The following ETV6 variants were observed in gnomAD, a reference collection of about 807,000 sequenced individuals.
The protein encoded by ETV6 is transcription factor ETV6.
A neutral mutation model predicts 51.1 loss-of-function variants in ETV6; 16 were observed. That is an observed-to-expected ratio of 0.31 (90% CI 0.21 to 0.48). The LOEUF (loss-of-function observed/expected upper bound fraction) is 0.48. Among genes scored for constraint, ETV6 ranks in the 20% least tolerant of loss-of-function variants. ETV6 has a pLI of 0.99. For synonymous variants in ETV6, 240 were observed against 224.1 expected, an observed-to-expected ratio of 1.07 and a Z score of -0.64; for missense variants, 458 against 594.8, an observed-to-expected ratio of 0.77 and a Z score of 2.39.
In ETV6 at chr12:11,752,456, C is replaced by A. The variant is rs1475305922; in HGVS notation, c.40C>A (p.Arg14=). 2 of 1,610,468 alleles carry A rather than the reference C, an allele frequency of 1.2e-6. No homozygotes were observed. Among genetic ancestry groups the A allele is most frequent in the East Asian group, 4.5e-5 (2 of 44,740 alleles). The part of the protein sequence containing the change: ...TPAQCSIKQE[R]ISYTPPESPV... Reference sequence around the variant, plus strand: ...CTGCCCTTATTTTTAACAGCAGGAACGAATTTCATATACACCTCCAGAGAG... The same window carrying A: ...CTGCCCTTATTTTTAACAGCAGGAAAGAATTTCATATACACCTCCAGAGAG... Residue 14 remains arginine, a synonymous_variant, in exon 2 of 8, where the codon CGA becomes AGA. Transcript: ENST00000396373.
chr12:11,663,366 A>G (rs1164760678), intron 1 of ETV6, among the ~76,000 whole-genome samples: 7 of 152,200 alleles, frequency 4.6e-5, no homozygotes, highest in African/African-American at 1.2e-4. Flanking sequence ...AGTCAGGCCT[A>G]TCTGGAGTGG....
At chr12:11,686,836 C>T (rs758233882) in intron 1 of ETV6, among the ~76,000 whole-genome samples, 1 of 152,094 alleles carries the variant, frequency 6.6e-6, no homozygotes, top group Non-Finnish European at 1.5e-5. Flanking sequence ...ACTTTCAATG[C>T]TCTGTTGTAG....
chr12:11,728,008 C>T (rs956848742), intron 1 of ETV6, among the ~76,000 whole-genome samples: 1 of 151,982 alleles, frequency 6.6e-6, no homozygotes, highest in African/African-American at 2.4e-5. Flanking sequence ...TTAGTAGAGA[C>T]GGGGTTTCAC....
intron 2 of ETV6, among the ~76,000 whole-genome samples, chr12:11,783,672 A>C (rs1345036010): frequency 6.6e-6 from 1 of 152,242 alleles, no homozygotes; most frequent in East Asian, 1.9e-4. Flanking sequence ...AGAAAAAATA[A>C]GAGGCAAAGT....
At chr12:11,660,375 C>T (rs181092200) in intron 1 of ETV6, among the ~76,000 whole-genome samples, 404 of 151,814 alleles carry the variant, frequency 2.7e-3, no homozygotes, top group African/African-American at 9.0e-3. Flanking sequence ...GAGGCCGAGG[C>T]GGGTGAATCA....
At chr12:11,694,029 C>A (rs1864824566) in intron 1 of ETV6, among the ~76,000 whole-genome samples, 1 of 152,126 alleles carries the variant, frequency 6.6e-6, no homozygotes. Context: ...TGGAGTTGTA[C>A]CAAATAAAAA....
At position 11,888,600 on chromosome 12, in the gene ETV6, G is replaced by A. The variant is rs147483068; in HGVS notation, c.1254-2341G>A. 2.1e-3 allele frequency among the ~76,000 whole-genome samples: 321 copies of A among 152,122 alleles called. 3 individuals are homozygous for A. Among genetic ancestry groups the A allele is most frequent in the African/African-American group, 7.2e-3 (298 of 41,492 alleles). Reference sequence around the variant, plus strand: ...GTATTTTTAGTGGAGACAGGGTTTCGCCATGTTGGCCACTCTTGTCTCAAA... The same window carrying A: ...GTATTTTTAGTGGAGACAGGGTTTCACCATGTTGGCCACTCTTGTCTCAAA... On this transcript the variant is annotated intron_variant, in intron 7 of 7. Coordinates refer to ENST00000396373, the MANE Select transcript of ETV6 (RefSeq NM_001987.5).
intron 2 of ETV6, among the ~76,000 whole-genome samples, chr12:11,783,626 T>C (rs888691121): frequency 3.3e-5 from 5 of 152,038 alleles, no homozygotes; most frequent in Admixed American, 1.3e-4. Flanking sequence ...AGGAGAAATA[T>C]GGGGTGATTT....
intron 2 of ETV6, among the ~76,000 whole-genome samples, chr12:11,797,663 G>A (rs1473883582): frequency 6.6e-6 from 1 of 152,184 alleles, no homozygotes; most frequent in African/African-American, 2.4e-5. Context: ...TTGATAAAGG[G>A]TAGGCCTGGT....
At chr12:11,866,446 T>A (rs1351826728) in intron 4 of ETV6, among the ~76,000 whole-genome samples, 11 of 152,232 alleles carry the variant, frequency 7.2e-5, no homozygotes, top group Admixed American at 7.2e-4. Context: ...GCTGAGCACA[T>A]TGAGACACTG....
Position 11,717,348 on chromosome 12 carries a change from G to C in ETV6, c.34-35102G>C, listed in dbSNP as rs184654219. Among the ~76,000 whole-genome samples the C allele has an allele frequency of 6.6e-5, 10 of 152,346 alleles. No individual in the cohort carries two copies. The East Asian group carries it at 1.7e-3, about 26-fold the overall frequency. ...CGCAGGCGGCGCTAAGTGACACATAGCCCATAAAACATATCTGCTTCCTGC... is the reference window on the plus strand; with the variant it reads ...CGCAGGCGGCGCTAAGTGACACATACCCCATAAAACATATCTGCTTCCTGC... On this transcript the variant is annotated intron_variant, in intron 1 of 7. Transcript: ENST00000396373.
At chr12:11,764,499 A>G (rs918350159) in intron 2 of ETV6, among the ~76,000 whole-genome samples, 1 of 152,242 alleles carries the variant, frequency 6.6e-6, no homozygotes, top group African/African-American at 2.4e-5. Flanking sequence ...CATTTCTTTG[A>G]CAGGAGTAGT....
At chr12:11,810,231 G>A (rs1289441633) in intron 2 of ETV6, among the ~76,000 whole-genome samples, 1 of 152,130 alleles carries the variant, frequency 6.6e-6, no homozygotes, top group Non-Finnish European at 1.5e-5. Flanking sequence ...AATATACAGA[G>A]GGGTTGGAAG....
rs1056179582 is a variant in ETV6, at chr12:11,833,289, T to A, written c.164-5851T>A. Among the ~76,000 whole-genome samples the A allele has an allele frequency of 2.0e-5, 3 of 152,204 alleles. No homozygotes were observed. In the East Asian group the frequency reaches 5.8e-4, roughly 29 times the overall value. On this transcript the variant is annotated intron_variant, in intron 2 of 7. Transcript: ENST00000396373. ...CTAGTTTTATGTCATCTGAAAATTG[T>A]ATAAGTACATTATCTATGATTCAAT...
chr12:11,770,815 G>C (rs1945232967), intron 2 of ETV6, among the ~76,000 whole-genome samples: 1 of 151,984 alleles, frequency 6.6e-6, no homozygotes, highest in South Asian at 2.1e-4. Flanking sequence ...CAGGAGGATT[G>C]CTTGATCCCA....
intron 1 of ETV6, among the ~76,000 whole-genome samples, chr12:11,701,905 T>C (rs930901807): frequency 1.4e-4 from 22 of 152,294 alleles, no homozygotes; most frequent in Admixed American, 9.2e-4. Flanking sequence ...GTTCCACGAA[T>C]GGCCTGAGCT....
chr12:11,821,682 T>C (rs182401895), intron 2 of ETV6, among the ~76,000 whole-genome samples: 2 of 151,544 alleles, frequency 1.3e-5, no homozygotes, highest in East Asian at 3.9e-4. Flanking sequence ...AAAAAAAAAA[T>C]GTGTTTTAGA....
At chr12:11,782,133 A>G (rs1426036903) in intron 2 of ETV6, among the ~76,000 whole-genome samples, 3 of 152,214 alleles carry the variant, frequency 2.0e-5, no homozygotes, top group Non-Finnish European at 4.4e-5. Flanking sequence ...TAGACTGTCA[A>G]GTTATTTGCT....
intron 2 of ETV6, among the ~76,000 whole-genome samples, chr12:11,787,717 C>G (rs1945509544): frequency 6.6e-6 from 1 of 152,052 alleles, no homozygotes; most frequent in Non-Finnish European, 1.5e-5. Context: ...CCAAAAATGG[C>G]CAAAGGGATC....
Sources: gnomAD v4.1 joint callset for allele counts (sites outside exome capture counted in the v4.1 genomes callset) on GRCh38, gnomAD v4.1.1 for gene constraint, MANE v1.5 for transcripts, NCBI Gene and HGNC (gene_info 2026-07-23, HGNC 2026-07-21) for gene names.